The following GALNT16 variants were observed in gnomAD, a reference collection of about 807,000 sequenced individuals.
The protein encoded by GALNT16 is UDP-GalNAc:polypeptide N-acetylgalactosaminyltransferase-like protein 1.
In GALNT16, 40 loss-of-function variants were observed where a neutral mutation model predicts 76.1. The ratio of observed to expected loss-of-function variants is 0.53; its 90% CI spans 0.41 to 0.68. The LOEUF (loss-of-function observed/expected upper bound fraction) is 0.68. Among genes scored for constraint, GALNT16 ranks in the 30% least tolerant of loss-of-function variants. The pLI is 0.00. For synonymous variants in GALNT16, 276 were observed against 285.2 expected, an observed-to-expected ratio of 0.97 and a Z score of 0.32; for missense variants, 621 against 731.9, an observed-to-expected ratio of 0.85 and a Z score of 1.75.
At chr14:69,349,165 G>A (rs3742902) in intron 14 of GALNT16, 14,455 of 152,268 alleles carry the variant, frequency 0.095, 804 homozygotes, top group South Asian at 0.2. Context: ...CACTTTAAGC[G>A]CTTTTGGATG....
At chr14:69,306,164 T>G (rs1214228612) in intron 1 of GALNT16, among the ~76,000 whole-genome samples, 1 of 152,242 alleles carries the variant, frequency 6.6e-6, no homozygotes, top group African/African-American at 2.4e-5. Flanking sequence ...GACTGTAGCT[T>G]TGTAATATAT....
chr14:69,321,125 A>G (rs2045175234), intron 2 of GALNT16, among the ~76,000 whole-genome samples: 1 of 152,186 alleles, frequency 6.6e-6, no homozygotes, highest in South Asian at 2.1e-4. Flanking sequence ...AGCAAAAGTG[A>G]CCTGGGAGGG....
chr14:69,342,535 GAA>G (rs1566888502), intron 12 of GALNT16, among the ~76,000 whole-genome samples: 2 of 64,872 alleles, frequency 3.1e-5, no homozygotes, highest in Non-Finnish European at 4.9e-5. Context: ...GAGAGGAAAA[GAA>G]AAGAAAAGGA....
chr14:69,314,571 A>G (rs769482378), intron 1 of GALNT16, among the ~76,000 whole-genome samples: 2 of 152,248 alleles, frequency 1.3e-5, no homozygotes, highest in Non-Finnish European at 2.9e-5. Context: ...GACCACTGGC[A>G]GCCCAGTGGG....
intron 1 of GALNT16, among the ~76,000 whole-genome samples, chr14:69,292,733 A>G (rs2044703042): frequency 6.6e-6 from 1 of 152,152 alleles, no homozygotes; most frequent in Admixed American, 6.5e-5. Context: ...TCTTTTTCTC[A>G]TTAGTCTAGT....
chr14:69,261,196 A>G lies in GALNT16; in HGVS notation c.177+729A>G, dbSNP rs1017408334. On this transcript the variant is annotated intron_variant, in intron 1 of 14. Coordinates refer to ENST00000448469, the MANE Select transcript of GALNT16 (RefSeq NM_001168368.2). The surrounding 1 kb of genome is among the most constrained non-coding windows in gnomAD (Gnocchi z 6.4). Reference sequence around the variant, plus strand: ...GACATCTAAGCGGGCAGGGAAACAAAGGCAGTGTGGCACAGCGGGGGCGGC... The same window carrying G: ...GACATCTAAGCGGGCAGGGAAACAAGGGCAGTGTGGCACAGCGGGGGCGGC... 2.0e-5 allele frequency among the ~76,000 whole-genome samples: 3 copies of G among 150,436 alleles called. No individual in the cohort carries two copies. The highest frequency in any genetic ancestry group is 3.0e-5 in the Non-Finnish European group (2 of 67,544).
intron 2 of GALNT16, among the ~76,000 whole-genome samples, chr14:69,321,480 G>C (rs1440752509): frequency 6.6e-6 from 1 of 152,132 alleles, no homozygotes. Flanking sequence ...TCTAGAGGGT[G>C]AAAGTCACCA....
In GALNT16 at chr14:69,262,414, C is replaced by T. The variant is rs148537970; in HGVS notation, c.177+1947C>T. 4.9e-3 allele frequency among the ~76,000 whole-genome samples: 749 copies of T among 152,272 alleles called. 9 individuals carry two copies. The highest frequency in any genetic ancestry group is 0.028 in the South Asian group (136 of 4,822). ...GGGGACCTGCTGGAAGGATTCAGCA[C>T]TCATTTTGAGGGGTGGGAATTGGAG... On this transcript the variant is annotated intron_variant, in intron 1 of 14. Transcript: ENST00000448469.
chr14:69,324,562 G>A, intron 2 of GALNT16, 130 bp from the exon 3 acceptor site: 1 of 524,798 alleles, frequency 1.9e-6, no homozygotes, highest in Non-Finnish European at 3.4e-6. Context: ...CGGGGCCTCT[G>A]GCCTGGCTGT....
chr14:69,260,870 C>G (rs961374362), intron 1 of GALNT16, among the ~76,000 whole-genome samples: 3 of 151,838 alleles, frequency 2.0e-5, no homozygotes, highest in African/African-American at 7.3e-5. Context: ...CGCAGCCGAG[C>G]GCGTAGGTGG....
chr14:69,370,664 A>T, the GALNT16 span, among the ~76,000 whole-genome samples: 1 of 152,206 alleles, frequency 6.6e-6, no homozygotes, highest in Non-Finnish European at 1.5e-5. Flanking sequence ...CTTCCACTGG[A>T]TTATTTGAAG....
chr14:69,276,554 G>T (rs577410251), intron 1 of GALNT16, among the ~76,000 whole-genome samples: 2 of 152,008 alleles, frequency 1.3e-5, no homozygotes, highest in Admixed American at 6.6e-5. Context: ...GGTGGTGTGC[G>T]CCTGTAATCC....
intron 14 of GALNT16, chr14:69,350,321 T>C (rs1257687669): frequency 1.3e-5 from 2 of 152,156 alleles, no homozygotes; most frequent in Non-Finnish European, 2.9e-5. Context: ...ATTTGCACTT[T>C]AGTGGAAGAG....
chr14:69,325,829 G>A (rs1244015240), intron 4 of GALNT16, 133 bp from the exon 5 acceptor site: 9 of 715,800 alleles, frequency 1.3e-5, no homozygotes, highest in Non-Finnish European at 2.3e-5. Flanking sequence ...CAGTAGTGAT[G>A]ACCATACCTC....
At chr14:69,266,578 C>A (rs2044344988) in intron 1 of GALNT16, among the ~76,000 whole-genome samples, 2 of 152,126 alleles carry the variant, frequency 1.3e-5, no homozygotes, top group Non-Finnish European at 2.9e-5. Flanking sequence ...GTGAAAGATG[C>A]AGGGAGAGAA....
At chr14:69,321,868 G>A (rs2045191977) in intron 2 of GALNT16, among the ~76,000 whole-genome samples, 1 of 152,232 alleles carries the variant, frequency 6.6e-6, no homozygotes, top group Admixed American at 6.5e-5. Flanking sequence ...TGTGCCTGCA[G>A]CTGTGTGCTC....
the GALNT16 span, among the ~76,000 whole-genome samples, chr14:69,385,878 G>T: frequency 6.6e-6 from 1 of 152,062 alleles, no homozygotes; most frequent in East Asian, 1.9e-4. Flanking sequence ...TGGCTTCCAG[G>T]ATATCATTGC....
intron 1 of GALNT16, among the ~76,000 whole-genome samples, chr14:69,314,420 T>A (rs1467886554): frequency 2.0e-5 from 3 of 152,236 alleles, no homozygotes; most frequent in African/African-American, 4.8e-5. Context: ...TTGCCACTTT[T>A]GAGGCAATGT....
the GALNT16 span, among the ~76,000 whole-genome samples, chr14:69,371,249 T>C: frequency 2.0e-5 from 3 of 152,050 alleles, no homozygotes; most frequent in Non-Finnish European, 2.9e-5. Flanking sequence ...ATTGTATTAA[T>C]AGTAATTTTT....
Sources: allele counts gnomAD v4.1 joint callset (sites outside exome capture counted in the v4.1 genomes callset), GRCh38; gene constraint gnomAD v4.1.1; non-coding constraint Gnocchi (gnomAD v3.1); transcripts MANE v1.5; gene names NCBI Gene and HGNC (gene_info 2026-07-23, HGNC 2026-07-21).